EMC1: variants seen among roughly 807,000 people sequenced by gnomAD.
The protein encoded by EMC1 is KIAA0090.
In EMC1, 103 loss-of-function variants were observed where a neutral mutation model predicts 128.8. The ratio of observed to expected loss-of-function variants is 0.80; its 90% CI spans 0.68 to 0.94. EMC1 has a LOEUF of 0.94. Ranked by LOEUF, EMC1 falls within the 40% of genes least tolerant of loss-of-function variation. EMC1 has a pLI of 0.00. For synonymous variants in EMC1, 442 were observed against 490.4 expected (o/e 0.90, Z 1.30); for missense variants, 1,083 against 1,250.6 (o/e 0.87, Z 2.02).
chr1:19,243,353 T>C (rs1259084719), intron 4 of EMC1, among the ~76,000 whole-genome samples: 1 of 152,214 alleles, frequency 6.6e-6, no homozygotes, highest in Admixed American at 6.5e-5. Context: ...ATCTGGAACA[T>C]TGCAAAACTC....
At chr1:19,240,511 C>G in intron 6 of EMC1, 65 bp from the exon 7 acceptor site, 2 of 1,574,300 alleles carry the variant, frequency 1.3e-6, no homozygotes, top group Non-Finnish European at 8.7e-7. Flanking sequence ...CTCAGCCCAA[C>G]AGCAATATTG....
chr1:19,248,023 C>CAAAA (rs200472630), intron 1 of EMC1, among the ~76,000 whole-genome samples: 1 of 141,208 alleles, frequency 7.1e-6, no homozygotes. Flanking sequence ...GACTCTGTCC[C>CAAAA]AAAAAAAAAA....
Position 19,219,224 on chromosome 1 carries a change from A to G in EMC1, c.*79T>C, listed in dbSNP as rs2093412726. Reference sequence around the variant, plus strand: ...ACTGACACACACACATACTCCACCAATCCACCAAACTGCAGCTGTAGCTGC... The same window carrying G: ...ACTGACACACACACATACTCCACCAGTCCACCAAACTGCAGCTGTAGCTGC... On this transcript the variant is annotated 3_prime_UTR_variant, in exon 23 of 23. Coordinates refer to ENST00000477853, the MANE Select transcript of EMC1 (RefSeq NM_015047.3). The G allele has an allele frequency of 7.0e-7, 1 of 1,434,760 alleles. No homozygotes were observed. The highest frequency in any genetic ancestry group is 1.7e-5 in the Admixed American group (1 of 58,826). 88.9% of individuals were successfully genotyped at this position (1,434,760 alleles called of 1,614,324 possible).
Position 19,233,058 on chromosome 1 carries a change from TC to T in EMC1, c.1509del (p.Trp503Ter), listed in dbSNP as rs1337856240. 1 of 1,614,212 alleles carries T rather than the reference TC, an allele frequency of 6.2e-7. No homozygotes were observed. Among genetic ancestry groups the T allele is most frequent in the Non-Finnish European group, 8.5e-7 (1 of 1,180,046 alleles). On this transcript the variant is annotated frameshift_variant, in exon 14 of 23. Transcript: ENST00000477853. LOFTEE classifies it high-confidence loss of function. ...ILLQAWTSHL[W>X]KMFYDARKPR... ...GGCTTCCGAGCATCATAAAACATTT[TC>T]CAGAGGTGGGAAGTCCATGCTTGCA... is the stretch of plus-strand genomic sequence containing the variant.
rs1391319729 is a variant in EMC1, at chr1:19,222,618, A to G, written c.2587+6T>C. 1 of 1,612,700 alleles carries G rather than the reference A, an allele frequency of 6.2e-7. No homozygotes were observed. The highest frequency in any genetic ancestry group is 8.5e-7 in the Non-Finnish European group (1 of 1,179,636). On this transcript the variant is annotated splice_donor_region_variant and intron_variant, in intron 20 of 22. Coordinates refer to ENST00000477853, the MANE Select transcript of EMC1 (RefSeq NM_015047.3). ...CAGCCATCCCAGAGGCTCCCCAGTC[A>G]CTCACTCAGCAGGTGTCGGCTGGTG...
chr1:19,236,655 G>A (rs1424754949), intron 12 of EMC1, among the ~76,000 whole-genome samples: 21 of 92,062 alleles, frequency 2.3e-4, no homozygotes, highest in African/African-American at 1.0e-3. Context: ...GCAAAACTCC[G>A]TCTCAAAAAA....
chr1:19,242,817 G>A (rs140879821), intron 4 of EMC1, among the ~76,000 whole-genome samples: 7 of 152,334 alleles, frequency 4.6e-5, no homozygotes, highest in African/African-American at 7.2e-5. Context: ...AATGGACAGC[G>A]GAATCCTCAA....
chr1:19,220,727 A>C, intron 21 of EMC1, 37 bp downstream of exon 21: 1 of 1,495,764 alleles, frequency 6.7e-7, no homozygotes, highest in Non-Finnish European at 9.2e-7. Context: ...AAGTTATGTA[A>C]GGTCAGAGCC....
At chr1:19,223,097 G>GT (rs2093444655) in intron 19 of EMC1, 2 of 558,080 alleles carry the variant, frequency 3.6e-6, no homozygotes, top group South Asian at 5.0e-5. Flanking sequence ...TCATTACTAG[G>GT]TGCCAGGCAT....
Position 19,238,787 on chromosome 1 carries a change from C to T in EMC1, c.1089+8G>A, listed in dbSNP as rs746006671. On this transcript the variant is annotated splice_region_variant and intron_variant, in intron 10 of 22. Coordinates refer to ENST00000477853, the MANE Select transcript of EMC1 (RefSeq NM_015047.3). Reference sequence around the variant, plus strand: ...AGGTCTGGCATACTGCCCAGTGCCACACCATACCTTTGAACTAGACTTCTC... The same window carrying T: ...AGGTCTGGCATACTGCCCAGTGCCATACCATACCTTTGAACTAGACTTCTC... 2.5e-6 allele frequency: 4 copies of T among 1,599,870 alleles called. No homozygotes were observed. Among genetic ancestry groups the T allele is most frequent in the Admixed American group, 3.3e-5 (2 of 59,964 alleles).
intron 13 of EMC1, chr1:19,234,116 A>G: frequency 1.0e-6 from 1 of 954,778 alleles, no homozygotes; most frequent in Non-Finnish European, 1.2e-6. Context: ...AAGAAAAACA[A>G]TTAACCAAAA....
chr1:19,250,469 T>C (rs887842577), intron 1 of EMC1, among the ~76,000 whole-genome samples: 2 of 152,190 alleles, frequency 1.3e-5, no homozygotes, highest in Non-Finnish European at 2.9e-5. Context: ...TGTGAACAGT[T>C]GTGCACATCA....
At chr1:19,249,589 A>G (rs544538882) in intron 1 of EMC1, among the ~76,000 whole-genome samples, 1 of 152,202 alleles carries the variant, frequency 6.6e-6, no homozygotes, top group Non-Finnish European at 1.5e-5. Context: ...TATTCCCATC[A>G]TTAAGTGATG....
At chr1:19,245,117 C>A (rs2093626057) in intron 1 of EMC1, 87 bp from the exon 2 acceptor site, 1 of 1,434,360 alleles carries the variant, frequency 7.0e-7, no homozygotes, top group African/African-American at 1.4e-5. Context: ...AGGGCTATCA[C>A]CATCACATTC....
intron 9 of EMC1, 94 bp from the exon 10 acceptor site, chr1:19,238,951 A>C: frequency 3.2e-6 from 3 of 938,768 alleles, no homozygotes; most frequent in Non-Finnish European, 3.5e-6. Context: ...TTAGCACTTG[A>C]GAGAAGACAA....
intron 6 of EMC1, 29 bp downstream of exon 6, chr1:19,240,987 A>G: frequency 6.2e-7 from 1 of 1,611,328 alleles, no homozygotes; most frequent in Admixed American, 1.7e-5. Flanking sequence ...ACCCCACCTT[A>G]TTCACAGGCT....
Position 19,239,855 on chromosome 1 carries a change from T to C in EMC1, c.917A>G (p.His306Arg), listed in dbSNP as rs372581182. The change falls in exon 8 of 23, where the codon CAT becomes CGT. Residue 306 changes from histidine to arginine, a missense_variant. His to Arg is a conservative substitution (Grantham distance 29, BLOSUM62 0). Transcript: ENST00000477853. ...SPSHYALLQY[H>R]YGTLSLLKNF... ...TTTAAGCAAACTCAGCGTTCCATAA[T>C]GGTACTGCAGCAGAGCATAGTGGCT... 1.9e-6 allele frequency: 3 copies of C among 1,613,976 alleles called. No homozygotes were observed. In the Admixed American group the frequency reaches 5.0e-5, roughly 27 times the overall value.
At position 19,219,093 on chromosome 1, in the gene EMC1, G is replaced by T; in HGVS notation, c.*210C>A. The T allele has an allele frequency of 1.9e-6, 1 of 537,674 alleles. No individual in the cohort carries two copies. Among genetic ancestry groups the T allele is most frequent in the Non-Finnish European group, 3.3e-6 (1 of 300,620 alleles). The allele number at this position is 537,674 out of a possible 1,614,324, so 33.3% of individuals were successfully genotyped here. On this transcript the variant is annotated 3_prime_UTR_variant, in exon 23 of 23. Transcript: ENST00000477853. ...TCAGGAATCTCTGAGAGTGTCAGCT[G>T]AGAGAGTTCTGTCTCTCTCCATGTA... is the stretch of plus-strand genomic sequence containing the variant.
At chr1:19,227,239 A>G in intron 18 of EMC1, 74 bp downstream of exon 18, 2 of 1,552,270 alleles carry the variant, frequency 1.3e-6, no homozygotes, top group Non-Finnish European at 1.8e-6. Context: ...ACCAAGTCCT[A>G]CAGCCAGACT....
Sources: allele counts gnomAD v4.1 joint callset (sites outside exome capture counted in the v4.1 genomes callset), GRCh38; gene constraint gnomAD v4.1.1; transcripts MANE v1.5; gene names NCBI Gene and HGNC (gene_info 2026-07-23, HGNC 2026-07-21).